Variants in CCDC171 observed in about 807,000 individuals in gnomAD.
CCDC171 encodes coiled-coil domain-containing protein 171.
A neutral mutation model predicts 168.2 loss-of-function variants in CCDC171; 177 were observed. The ratio of observed to expected loss-of-function variants is 1.05; its 90% confidence interval spans 0.93 to 1.19. The LOEUF (loss-of-function observed/expected upper bound fraction) is 1.19. CCDC171 is among the 50% of genes most tolerant of loss of function. The pLI is 0.00. For synonymous variants in CCDC171, 687 were observed against 540.8 expected, an observed-to-expected ratio of 1.27 and a Z score of -3.75; for missense variants, 1,991 against 1,539.0, an observed-to-expected ratio of 1.29 and a Z score of -4.91.
chr9:15,625,434 G>T (rs1415075522), intron 7 of CCDC171, among the ~76,000 whole-genome samples: 7 of 152,140 alleles, frequency 4.6e-5, no homozygotes, highest in Non-Finnish European at 8.8e-5. Flanking sequence ...TTCTTCTAGG[G>T]TTTTTATGGT....
chr9:15,587,595 T>TA (rs771825374), intron 4 of CCDC171: 4 of 456,302 alleles, frequency 8.8e-6, no homozygotes, highest in Non-Finnish European at 1.3e-5. Context: ...AACCTAATGA[T>TA]ACTGATGTTG....
At chr9:15,944,823 CTTTTTCTTTCT>C (rs767273929) in intron 25 of CCDC171, among the ~76,000 whole-genome samples, 2,526 of 33,742 alleles carry the variant, frequency 0.075, 53 homozygotes, top group East Asian at 0.27. Flanking sequence ...GGTTAGAATT[CTTTTTCTTTCT>C]TTTTTCTTTC....
chr9:15,571,723 A>G lies in CCDC171; in HGVS notation c.141A>G (p.Lys47=). Residue 47 remains lysine (K), a synonymous_variant, in exon 3 of 26, where the codon AAA becomes AAG. Coordinates refer to ENST00000380701, the MANE Select transcript of CCDC171 (RefSeq NM_173550.4). Reference sequence around the variant, plus strand: ...GGAAGAAACTCCATTGGGCTAAAAAAGAAAAGTTAGAAATAACAACCAAAC... The same window carrying G: ...GGAAGAAACTCCATTGGGCTAAAAAGGAAAAGTTAGAAATAACAACCAAAC... The part of the protein sequence containing the change: ...NLRKKLHWAK[K]EKLEITTKHN... The G allele has an allele frequency of 6.3e-7, 1 of 1,591,386 alleles. No homozygotes were observed. Among genetic ancestry groups the G allele is most frequent in the South Asian group, 1.2e-5 (1 of 85,334 alleles).
intron 25 of CCDC171, among the ~76,000 whole-genome samples, chr9:15,929,933 T>C (rs1365600048): frequency 6.6e-6 from 1 of 151,802 alleles, no homozygotes; most frequent in Non-Finnish European, 1.5e-5. Flanking sequence ...TTTTCACCAT[T>C]GTTCAATTGG....
At chr9:16,005,481 A>G (rs1832669594) in intron 3 of CCDC171, among the ~76,000 whole-genome samples, 1 of 152,176 alleles carries the variant, frequency 6.6e-6, no homozygotes. Context: ...TTTTTGTGTG[A>G]ACATATGTTT....
rs1491415268 is a variant in CCDC171 at position 15,677,927 on chromosome 9, A to ATATATATATATAT, written c.1077-831_1077-830insTATATATATATAT. ...ATATATATATATATATATATATATA[A>ATATATATATATAT]GAGATGTGGTCTCATTCTGTTACCT... is the stretch of plus-strand genomic sequence containing the variant. On this transcript the variant is annotated intron_variant, in intron 9 of 25. Coordinates refer to ENST00000380701, the MANE Select transcript of CCDC171 (RefSeq NM_173550.4). Among the ~76,000 whole-genome samples the ATATATATATATAT allele has an allele frequency of 1.8e-3, 53 of 29,284 alleles. 15 individuals carry two copies. The highest frequency in any genetic ancestry group is 4.7e-3 in the Admixed American group (9 of 1,930). The allele number at this position is 29,284 out of a possible 152,430, so 19.2% of individuals were successfully genotyped here. A position where few individuals can be genotyped will look rare whatever the true frequency, so the allele number is the denominator to read the frequency against.
At chr9:15,962,871 T>C (rs968427495) in intron 25 of CCDC171, among the ~76,000 whole-genome samples, 4 of 151,340 alleles carry the variant, frequency 2.6e-5, no homozygotes, top group Admixed American at 1.3e-4. Flanking sequence ...GTGTTTATGC[T>C]TATTTTAAAA....
At chr9:16,056,438 C>T (rs943114233) in intron 1 of CCDC171, among the ~76,000 whole-genome samples, 3 of 152,176 alleles carry the variant, frequency 2.0e-5, no homozygotes, top group Non-Finnish European at 2.9e-5. Flanking sequence ...AGTAGCCACA[C>T]GAGCCTAGTG....
chr9:15,601,727 CT>C (rs1220715437), intron 6 of CCDC171, among the ~76,000 whole-genome samples: 1 of 152,178 alleles, frequency 6.6e-6, no homozygotes, highest in Non-Finnish European at 1.5e-5. Context: ...CTAAGGAAGA[CT>C]TTGCAGAGCC....
intron 25 of CCDC171, among the ~76,000 whole-genome samples, chr9:15,959,424 A>G (rs1280317363): frequency 6.6e-6 from 1 of 152,196 alleles, no homozygotes. Flanking sequence ...TTCAAATAGT[A>G]AGCAAACATA....
chr9:15,714,888 A>G (rs533155966), intron 11 of CCDC171, among the ~76,000 whole-genome samples: 3 of 152,350 alleles, frequency 2.0e-5, no homozygotes, highest in South Asian at 2.1e-4. Context: ...TAGGAACACC[A>G]TGATCAGTTA....
chr9:15,797,331 C>G (rs2135720310), intron 21 of CCDC171, among the ~76,000 whole-genome samples: 1 of 152,250 alleles, frequency 6.6e-6, no homozygotes, highest in East Asian at 1.9e-4. Flanking sequence ...ATCCTCCCAT[C>G]TCAGCCTCTC....
At chr9:15,826,705 G>A (rs80203987) in intron 21 of CCDC171, among the ~76,000 whole-genome samples, 2,791 of 152,264 alleles carry the variant, frequency 0.018, 99 homozygotes, top group African/African-American at 0.063. Flanking sequence ...CCAGACCTGT[G>A]TGAATGAGCC....
At chr9:15,895,320 G>C (rs1173289966) in intron 24 of CCDC171, among the ~76,000 whole-genome samples, 3 of 152,092 alleles carry the variant, frequency 2.0e-5, no homozygotes, top group Non-Finnish European at 4.4e-5. Flanking sequence ...TTCTGCACAG[G>C]TGTATCTGTT....
At chr9:15,763,770 T>G (rs1418595352) in intron 18 of CCDC171, among the ~76,000 whole-genome samples, 2 of 152,256 alleles carry the variant, frequency 1.3e-5, no homozygotes, top group Non-Finnish European at 2.9e-5. Flanking sequence ...TGCTGAGTAA[T>G]ATTTCATTCT....
At position 15,615,844 on chromosome 9, in the gene CCDC171, T is replaced by G. The variant is rs112676127; in HGVS notation, c.676-7423T>G. Among the ~76,000 whole-genome samples, 1,065 of 151,930 alleles carry G rather than the reference T, an allele frequency of 7.0e-3. 11 individuals are homozygous for G. The highest frequency in any genetic ancestry group is 0.024 in the African/African-American group (1,001 of 41,448). On this transcript the variant is annotated intron_variant, in intron 6 of 25. Transcript: ENST00000380701. ...CCCAGGCTGGAGTGCAGTGGCATGATCTCAGCTTGCTGCAGCCTCTGCCTC... is the reference window on the plus strand; with the variant it reads ...CCCAGGCTGGAGTGCAGTGGCATGAGCTCAGCTTGCTGCAGCCTCTGCCTC...
intron 24 of CCDC171, among the ~76,000 whole-genome samples, chr9:15,903,548 C>G (rs948270415): frequency 1.3e-5 from 2 of 152,062 alleles, no homozygotes; most frequent in Non-Finnish European, 2.9e-5. Flanking sequence ...CATCAAAGAC[C>G]AAAGGTAGAT....
intron 2 of CCDC171, among the ~76,000 whole-genome samples, chr9:15,564,678 C>T (rs1286439627): frequency 1.3e-5 from 2 of 152,232 alleles, no homozygotes; most frequent in South Asian, 2.1e-4. Flanking sequence ...TTAGTTCATT[C>T]ACCTTTGGTG....
intron 3 of CCDC171, among the ~76,000 whole-genome samples, chr9:15,992,412 CTCAA>C (rs1158602460): frequency 7.9e-5 from 12 of 152,140 alleles, no homozygotes; most frequent in African/African-American, 2.9e-4. Flanking sequence ...GCTAAAAACT[CTCAA>C]TAAATTAGGT....
Sources: gnomAD v4.1 joint callset for allele counts (sites outside exome capture counted in the v4.1 genomes callset) on GRCh38, gnomAD v4.1.1 for gene constraint, MANE v1.5 for transcripts, NCBI Gene and HGNC (gene_info 2026-07-23, HGNC 2026-07-21) for gene names.